The following KLHL14 variants were observed in gnomAD, a reference collection of about 807,000 sequenced individuals.
KLHL14 encodes the protein kelch like family member 14.
Under a neutral mutation model 64.3 loss-of-function variants are expected in KLHL14, and 22 were observed. That is an observed-to-expected ratio of 0.34 (90% CI 0.24 to 0.49). KLHL14 has a LOEUF of 0.49. KLHL14 is among the 20% of genes least tolerant of loss of function. KLHL14 has a pLI of 0.99. For missense variants in KLHL14, 661 were observed against 789.0 expected (o/e 0.84, Z 1.94); for synonymous variants, 322 against 333.4 (o/e 0.97, Z 0.37).
chr18:32,762,666 G>T lies in KLHL14; in HGVS notation c.947+6979C>A, dbSNP rs140800571. Among the ~76,000 whole-genome samples, 86 of 152,182 alleles carry T rather than the reference G, an allele frequency of 5.7e-4. 1 individual carries two copies. Among genetic ancestry groups the T allele is most frequent in the Non-Finnish European group, 9.7e-4 (66 of 67,984 alleles). On this transcript the variant is annotated intron_variant, in intron 2 of 8. Transcript: ENST00000359358. Reference sequence around the variant, plus strand: ...TCATTGTATCATCTGTACTACAACAGATAGCCTTTCTCTGGTTAAGTGATC... The same window carrying T: ...TCATTGTATCATCTGTACTACAACATATAGCCTTTCTCTGGTTAAGTGATC...
At chr18:32,695,151 G>T (rs769449686) in intron 4 of KLHL14, among the ~76,000 whole-genome samples, 1 of 152,180 alleles carries the variant, frequency 6.6e-6, no homozygotes, top group Non-Finnish European at 1.5e-5. Flanking sequence ...CTGCAGCTTT[G>T]CTCCCTTCCT....
chr18:32,752,514 G>A (rs924829760), intron 2 of KLHL14, among the ~76,000 whole-genome samples: 3 of 152,014 alleles, frequency 2.0e-5, no homozygotes, highest in South Asian at 4.1e-4. Flanking sequence ...CTCTTGTTAC[G>A]TTATCACGTT....
chr18:32,691,655 A>G (rs1029027114), intron 4 of KLHL14, among the ~76,000 whole-genome samples: 1 of 152,204 alleles, frequency 6.6e-6, no homozygotes, highest in African/African-American at 2.4e-5. Context: ...AACCTCAGGA[A>G]GAATGAGTGT....
chr18:32,770,283 C>A lies in KLHL14; in HGVS notation c.309G>T (p.Glu103Asp). The A allele has an allele frequency of 1.9e-6, 3 of 1,589,662 alleles. No individual in the cohort carries two copies. The highest frequency in any genetic ancestry group is 1.2e-5 in the South Asian group (1 of 86,056). ...SQQQQPPPQE[E>D]PGTPSSSPDD... ...CGGGGGAGGAAGAAGGAGTCCCGGG[C>A]TCCTCCTGCGGCGGCGGCTGCTGCT... The change falls in exon 2 of 9, where the codon GAG becomes GAT. Residue 103 changes from glutamate to aspartate, a missense_variant. Physicochemically the swap from Glu to Asp is conservative, Grantham distance 45. This residue lies in a region of KLHL14 where 331 missense variants were observed against 339.0 expected (regional missense o/e 0.98). Transcript: ENST00000359358. This position sits in a 1 kb window ranked among gnomAD's most constrained non-coding sequence, Gnocchi z 6.7.
At position 32,693,012 on chromosome 18, in the gene KLHL14, G is replaced by A. The variant is rs77664188; in HGVS notation, c.1159+2451C>T. ...GGATGGAGTATAGAAACCATTCACGGGATTGTGGTGGGTGCTCTTGTTCAT... is the reference window on the plus strand; with the variant it reads ...GGATGGAGTATAGAAACCATTCACGAGATTGTGGTGGGTGCTCTTGTTCAT... On this transcript the variant is annotated intron_variant, in intron 4 of 8. Transcript: ENST00000359358. Among the ~76,000 whole-genome samples the A allele has an allele frequency of 3.3e-4, 51 of 152,248 alleles. 1 individual carries two copies. In the East Asian group the frequency reaches 9.3e-3, roughly 28 times the overall value.
chr18:32,680,495 G>A lies in KLHL14; in HGVS notation c.1343C>T (p.Thr448Met), dbSNP rs750871626. 27 of 1,613,782 alleles carry A rather than the reference G, an allele frequency of 1.7e-5. No homozygotes were observed. Among genetic ancestry groups the A allele is most frequent in the East Asian group, 4.5e-5 (2 of 44,884 alleles). The part of the protein sequence containing the change: ...LSSVECYNLE[T>M]NEWRYVSSLP... ...AGAGGACACATAGCGCCATTCATTC[G>A]TTTCTAGGTTATAGCACTCCACGCT... The change falls in exon 6 of 9, where the codon ACG becomes ATG. Residue 448 changes from threonine (T) to methionine (M), a missense_variant. Around this residue, in one of 2 missense-constraint regions of KLHL14, gnomAD observed 330 missense variants for 450.0 expected, o/e 0.73. Transcript: ENST00000359358. This position sits in a 1 kb window ranked among gnomAD's most constrained non-coding sequence, Gnocchi z 4.8.
intron 3 of KLHL14, among the ~76,000 whole-genome samples, chr18:32,721,450 G>A (rs922861812): frequency 5.9e-5 from 9 of 152,154 alleles, no homozygotes; most frequent in African/African-American, 2.2e-4. Context: ...AAGGAAAAGA[G>A]TGACTTTCAA....
intron 2 of KLHL14, chr18:32,742,765 C>G (rs1177584134): frequency 6.6e-6 from 1 of 152,394 alleles, no homozygotes; most frequent in East Asian, 1.9e-4. Flanking sequence ...CCTGCCAATG[C>G]TTGCCACTGA....
chr18:32,713,982 A>T (rs1303291827), intron 3 of KLHL14, among the ~76,000 whole-genome samples: 2 of 152,178 alleles, frequency 1.3e-5, no homozygotes, highest in African/African-American at 4.8e-5. Context: ...AAATTTACAT[A>T]TAAATAAACA....
chr18:32,754,198 A>G (rs754999625), intron 2 of KLHL14, among the ~76,000 whole-genome samples: 10 of 152,226 alleles, frequency 6.6e-5, no homozygotes, highest in African/African-American at 9.6e-5. Context: ...CATCACTCTC[A>G]GGCTAGTGAT....
At chr18:32,695,886 G>C (rs1025138285) in intron 3 of KLHL14, among the ~76,000 whole-genome samples, 4 of 152,120 alleles carry the variant, frequency 2.6e-5, no homozygotes, top group Admixed American at 6.5e-5. Context: ...CTGAATGACT[G>C]ACACTCCTAA....
At chr18:32,759,917 G>A (rs2050305132) in intron 2 of KLHL14, among the ~76,000 whole-genome samples, 1 of 152,140 alleles carries the variant, frequency 6.6e-6, no homozygotes, top group Non-Finnish European at 1.5e-5. Context: ...TCCTGTTAAT[G>A]CATATGAAAT....
chr18:32,742,693 T>C (rs560604609), intron 2 of KLHL14, among the ~76,000 whole-genome samples: 1 of 152,140 alleles, frequency 6.6e-6, no homozygotes, highest in Non-Finnish European at 1.5e-5. Flanking sequence ...ACTGGCGATA[T>C]AGCAGCACCA....
chr18:32,709,459 T>C (rs1385716196), intron 3 of KLHL14, among the ~76,000 whole-genome samples: 1 of 151,932 alleles, frequency 6.6e-6, no homozygotes, highest in Non-Finnish European at 1.5e-5. Context: ...GAATTTTTTT[T>C]TTTTTAAAGA....
At chr18:32,722,991 G>A (rs1045808837) in intron 3 of KLHL14, among the ~76,000 whole-genome samples, 1 of 152,010 alleles carries the variant, frequency 6.6e-6, no homozygotes, top group African/African-American at 2.4e-5. Context: ...AACCTAACAG[G>A]CGTGGTCATT....
chr18:32,683,737 T>C lies in KLHL14; in HGVS notation c.1239-3138A>G, dbSNP rs1274348272. Among the ~76,000 whole-genome samples, 1 of 152,244 alleles carries C rather than the reference T, an allele frequency of 6.6e-6. No individual in the cohort carries two copies. The highest frequency in any genetic ancestry group is 2.4e-5 in the African/African-American group (1 of 41,468). Reference sequence around the variant, plus strand: ...AATATACTTTACACTCTGCTTATTTTGCAGATCTTTACAAGTTCTTTCTGG... The same window carrying C: ...AATATACTTTACACTCTGCTTATTTCGCAGATCTTTACAAGTTCTTTCTGG... On this transcript the variant is annotated intron_variant, in intron 5 of 8. Transcript: ENST00000359358. The surrounding 1 kb of genome is among the most constrained non-coding windows in gnomAD (Gnocchi z 4.2).
intron 3 of KLHL14, among the ~76,000 whole-genome samples, chr18:32,723,054 G>C (rs1056003448): frequency 2.0e-5 from 3 of 152,000 alleles, no homozygotes; most frequent in Non-Finnish European, 2.9e-5. Flanking sequence ...TCCTTCAATG[G>C]AGGACAGGCT....
chr18:32,731,546 T>C (rs1445121893), intron 3 of KLHL14, among the ~76,000 whole-genome samples: 3 of 152,138 alleles, frequency 2.0e-5, no homozygotes, highest in African/African-American at 4.8e-5. Flanking sequence ...CTGAGCTTAA[T>C]ACCTGAGTGA....
chr18:32,714,477 A>G (rs1260506561), intron 3 of KLHL14, among the ~76,000 whole-genome samples: 2 of 152,330 alleles, frequency 1.3e-5, no homozygotes, highest in East Asian at 3.9e-4. Flanking sequence ...ATTAAAGCAG[A>G]GTAATTATAG....
Sources: gnomAD v4.1 joint callset for allele counts (sites outside exome capture counted in the v4.1 genomes callset) on GRCh38, gnomAD v4.1.1 for gene constraint, gnomAD v4.1.1 regional missense constraint, Gnocchi (gnomAD v3.1) non-coding constraint, MANE v1.5 for transcripts, NCBI Gene and HGNC (gene_info 2026-07-23, HGNC 2026-07-21) for gene names.